ARHGAP8: variants seen among roughly 807,000 people sequenced by gnomAD.
ARHGAP8 encodes the protein rho GTPase-activating protein 8.
ARHGAP8 carries 62 observed loss-of-function variants against 46.1 expected under a neutral mutation model. The ratio of observed to expected loss-of-function variants is 1.34; its 90% CI spans 1.10 to 1.66. ARHGAP8 has a LOEUF of 1.66. ARHGAP8 is among the 40% of genes most tolerant of loss of function. The pLI is 0.00. For synonymous variants in ARHGAP8, 375 were observed against 243.1 expected, an observed-to-expected ratio of 1.54 and a Z score of -5.05; for missense variants, 923 against 568.4, an observed-to-expected ratio of 1.62 and a Z score of -6.34.
intron 7 of ARHGAP8, among the ~76,000 whole-genome samples, chr22:44,842,907 T>TA (rs1298583726): frequency 6.6e-6 from 1 of 152,234 alleles, no homozygotes; most frequent in East Asian, 1.9e-4. Context: ...CAGGTGGGCC[T>TA]GTGTTTGTCT....
chr22:44,820,214 C>A (rs1174082454), intron 5 of ARHGAP8, among the ~76,000 whole-genome samples: 1 of 152,172 alleles, frequency 6.6e-6, no homozygotes, highest in Admixed American at 6.5e-5. Flanking sequence ...GGCCCTTTCC[C>A]GAGAGGAGAG....
chr22:44,778,297 G>C (rs960010019), intron 1 of ARHGAP8, among the ~76,000 whole-genome samples: 1 of 152,022 alleles, frequency 6.6e-6, no homozygotes, highest in African/African-American at 2.4e-5. Flanking sequence ...CCATTTCTGA[G>C]TTACTTCACT....
At chr22:44,760,582 A>C (rs549158760) in intron 1 of ARHGAP8, among the ~76,000 whole-genome samples, 1 of 152,250 alleles carries the variant, frequency 6.6e-6, no homozygotes, top group African/African-American at 2.4e-5. Context: ...TGCCCTGCAC[A>C]TCGGACTTGC....
chr22:44,777,098 C>G (rs1040588113), intron 1 of ARHGAP8: 5 of 152,218 alleles, frequency 3.3e-5, no homozygotes, highest in African/African-American at 1.2e-4. Flanking sequence ...GCTGTGTCTC[C>G]CTAGCACGTG....
chr22:44,840,327 G>A (rs1931568100), intron 7 of ARHGAP8, among the ~76,000 whole-genome samples: 1 of 152,102 alleles, frequency 6.6e-6, no homozygotes, highest in Non-Finnish European at 1.5e-5. Flanking sequence ...GGTTCTGGGG[G>A]GTATCTGTTT....
intron 1 of ARHGAP8, among the ~76,000 whole-genome samples, chr22:44,755,347 C>T (rs1924583972): frequency 6.6e-6 from 1 of 152,238 alleles, no homozygotes; most frequent in African/African-American, 2.4e-5. Context: ...CATTCGGAGC[C>T]TGCCGGTGAC....
chr22:44,760,472 A>T (rs1925047814), intron 1 of ARHGAP8, among the ~76,000 whole-genome samples: 1 of 152,074 alleles, frequency 6.6e-6, no homozygotes, highest in South Asian at 2.1e-4. Flanking sequence ...GGTGGCATCA[A>T]ACTCATTGCC....
At chr22:44,768,217 G>A (rs1048864407) in intron 1 of ARHGAP8, among the ~76,000 whole-genome samples, 11 of 151,376 alleles carry the variant, frequency 7.3e-5, no homozygotes, top group African/African-American at 2.4e-4. Flanking sequence ...GGCTGGTCTC[G>A]AACTCCTGAC....
intron 1 of ARHGAP8, among the ~76,000 whole-genome samples, chr22:44,780,212 G>C (rs1460243842): frequency 6.6e-6 from 1 of 152,206 alleles, no homozygotes; most frequent in Non-Finnish European, 1.5e-5. Context: ...CACTCAGTGG[G>C]CCGGCACAGT....
intron 11 of ARHGAP8, 136 bp from the exon 12 acceptor site, chr22:44,862,139 C>T (rs1170027856): frequency 5.7e-6 from 6 of 1,056,952 alleles, no homozygotes; most frequent in Admixed American, 3.1e-5. Flanking sequence ...GCACAGGGTC[C>T]CCATTACTGG....
chr22:44,857,727 C>T (rs565245420), intron 10 of ARHGAP8, among the ~76,000 whole-genome samples: 2 of 152,268 alleles, frequency 1.3e-5, no homozygotes, highest in East Asian at 1.9e-4. Context: ...AAGGGGAGGT[C>T]AGAGAGTCCT....
At chr22:44,833,096 C>CTTTTCTTTTCTTTTTTTTT (rs535842585) in intron 7 of ARHGAP8, among the ~76,000 whole-genome samples, 3 of 120,428 alleles carry the variant, frequency 2.5e-5, no homozygotes, top group Admixed American at 1.8e-4. Context: ...CTTTTCTTTT[C>CTTTTCTTTTCTTTTTTTTT]TTTTTTTTTT....
chr22:44,845,357 G>T lies in ARHGAP8; in HGVS notation c.670+15G>T, dbSNP rs915252348. On this transcript the variant is annotated intron_variant, in intron 8 of 11. Coordinates refer to ENST00000356099, the MANE Select transcript of ARHGAP8 (RefSeq NM_181335.3). ...GAGAGAGAAAGGTGAGACGGGGCCG[G>T]CTCCAGCTGGATGACGTGAGGGCTG... 1.2e-6 allele frequency: 2 copies of T among 1,613,798 alleles called. No homozygotes were observed. The highest frequency in any genetic ancestry group is 2.7e-5 in the African/African-American group (2 of 74,930).
intron 11 of ARHGAP8, among the ~76,000 whole-genome samples, chr22:44,861,916 A>C (rs112356094): frequency 5.9e-5 from 9 of 152,038 alleles, no homozygotes; most frequent in African/African-American, 1.7e-4. Flanking sequence ...TTCGCCACTC[A>C]CAGAGCCGAG....
chr22:44,794,783 T>A (rs1397400716), intron 2 of ARHGAP8, among the ~76,000 whole-genome samples: 3 of 151,972 alleles, frequency 2.0e-5, no homozygotes, highest in Non-Finnish European at 4.4e-5. Context: ...AATAATAGAA[T>A]AAGGAACCCA....
rs1377481449 is a variant in ARHGAP8 at position 44,814,931 on chromosome 22, G to A, written c.386+173G>A. ...GCGGGGGGTCACAAGGCCAGCCCAG[G>A]TCATGGACAGGAGTGCAGTGCCGGC... On this transcript the variant is annotated intron_variant, in intron 5 of 11. Coordinates refer to ENST00000356099, the MANE Select transcript of ARHGAP8 (RefSeq NM_181335.3). Among the ~76,000 whole-genome samples, 8 of 152,284 alleles carry A rather than the reference G, an allele frequency of 5.3e-5. No homozygotes were observed. The Middle Eastern group carries it at 0.014, about 259-fold the overall frequency.
At chr22:44,800,618 G>A (rs1219840236) in intron 2 of ARHGAP8, among the ~76,000 whole-genome samples, 4 of 66,314 alleles carry the variant, frequency 6.0e-5, no homozygotes, top group African/African-American at 2.3e-4. Context: ...AGCTGTCCAT[G>A]TGTGGGGGGC....
intron 1 of ARHGAP8, among the ~76,000 whole-genome samples, chr22:44,775,773 T>C (rs572081432): frequency 1.3e-5 from 2 of 152,314 alleles, no homozygotes; most frequent in Non-Finnish European, 2.9e-5. Context: ...GGGAAATTTT[T>C]AGTACCTGAA....
intron 11 of ARHGAP8, among the ~76,000 whole-genome samples, chr22:44,861,147 T>G (rs547799712): frequency 2.0e-5 from 3 of 152,184 alleles, no homozygotes; most frequent in Admixed American, 2.0e-4. Context: ...AATTTTTGTT[T>G]TTTTAGTAGA....
Sources: allele counts gnomAD v4.1 joint callset (sites outside exome capture counted in the v4.1 genomes callset), GRCh38; gene constraint gnomAD v4.1.1; transcripts MANE v1.5; gene names NCBI Gene and HGNC (gene_info 2026-07-23, HGNC 2026-07-21).